Variants in CASR observed in about 807,000 individuals in gnomAD.
CASR encodes the protein extracellular calcium-sensing receptor.
CASR carries 23 observed loss-of-function variants against 69.1 expected under a neutral mutation model. The ratio of observed to expected loss-of-function variants is 0.33; its 90% confidence interval spans 0.24 to 0.47. The LOEUF (loss-of-function observed/expected upper bound fraction) is 0.47, where lower values mean the gene tolerates loss of function less well. Ranked by LOEUF, CASR falls within the 20% of genes least tolerant of loss-of-function variation. The pLI, the probability that CASR is intolerant of heterozygous loss-of-function variation, is 1.00. For missense variants in CASR, 924 were observed against 1,356.1 expected, an observed-to-expected ratio of 0.68 and a Z score of 5.00; for synonymous variants, 541 against 544.7, an observed-to-expected ratio of 0.99 and a Z score of 0.10.
rs768891713 is a variant in CASR, at chr3:122,261,793, A to T, written c.758A>T (p.Gln253Leu). Residue 253 changes from glutamine (Q) to leucine (L), a missense_variant, in exon 4 of 7, where the codon CAG becomes CTG. This residue lies in a region of CASR where 310 missense variants were observed against 395.7 expected (regional missense o/e 0.78). Transcript: ENST00000639785. ...ISQYSDEEEI[Q>L]HVVEVIQNST... The stretch of plus-strand genomic sequence containing the variant: ...CAGTACTCTGATGAGGAAGAGATCC[A>T]GCATGTGGTAGAGGTGATTCAAAAT... 2 of 1,614,274 alleles carry T rather than the reference A, an allele frequency of 1.2e-6. No homozygotes were observed. The highest frequency in any genetic ancestry group is 2.2e-5 in the South Asian group (2 of 91,092).
At position 122,230,861 on chromosome 3, in the gene CASR, C is replaced by T. The variant is rs1476354872; in HGVS notation, c.-242-23087C>T. On this transcript the variant is annotated intron_variant, in intron 1 of 6. Coordinates refer to ENST00000639785, the MANE Select transcript of CASR (RefSeq NM_000388.4). Reference sequence around the variant, plus strand: ...CTACTTCTCTGTCCCCTCCACTAGACTTCTTCAGCCAAAGGGGGTTTCTCT... The same window carrying T: ...CTACTTCTCTGTCCCCTCCACTAGATTTCTTCAGCCAAAGGGGGTTTCTCT... Among the ~76,000 whole-genome samples the T allele has an allele frequency of 2.0e-5, 3 of 152,086 alleles. No individual in the cohort carries two copies. The East Asian group carries it at 5.8e-4, about 29-fold the overall frequency.
chr3:122,267,427 A>G (rs890838209), intron 4 of CASR, among the ~76,000 whole-genome samples: 1 of 151,752 alleles, frequency 6.6e-6, no homozygotes, highest in Non-Finnish European at 1.5e-5. Flanking sequence ...TGAAGTAAGG[A>G]AAAAAAAATA....
At chr3:122,227,584 G>C (rs932809156) in intron 1 of CASR, among the ~76,000 whole-genome samples, 2 of 152,208 alleles carry the variant, frequency 1.3e-5, no homozygotes, top group South Asian at 2.1e-4. Context: ...CGAGCTGAGC[G>C]AACAGGCTCT....
intron 1 of CASR, among the ~76,000 whole-genome samples, chr3:122,232,053 C>G (rs529021048): frequency 1.4e-4 from 21 of 152,300 alleles, no homozygotes; most frequent in African/African-American, 5.1e-4. Flanking sequence ...CAGCTACTTG[C>G]AACACCTCAG....
At chr3:122,203,965 T>A (rs939400092) in intron 1 of CASR, among the ~76,000 whole-genome samples, 31 of 152,326 alleles carry the variant, frequency 2.0e-4, no homozygotes, top group Admixed American at 1.2e-3. Flanking sequence ...TCATTTTTTT[T>A]AATTGATGAA....
intron 2 of CASR, among the ~76,000 whole-genome samples, chr3:122,256,626 AT>A (rs935898578): frequency 6.6e-6 from 1 of 151,828 alleles, no homozygotes; most frequent in Non-Finnish European, 1.5e-5. Context: ...TTATTTATTC[AT>A]TTATTTTTGA....
chr3:122,247,393 T>C (rs58191316), intron 1 of CASR: 25,378 of 152,180 alleles, frequency 0.17, 2,193 homozygotes, highest in Non-Finnish European at 0.18. Flanking sequence ...AACGCCAGGA[T>C]GTTATTCCAC....
chr3:122,234,324 C>G (rs2074307845), intron 1 of CASR, among the ~76,000 whole-genome samples: 1 of 152,176 alleles, frequency 6.6e-6, no homozygotes, highest in African/African-American at 2.4e-5. Context: ...TTCAGCAAAA[C>G]TTTATTTATA....
intron 1 of CASR, among the ~76,000 whole-genome samples, chr3:122,205,174 T>G (rs2073994810): frequency 1.3e-5 from 2 of 152,142 alleles, no homozygotes; most frequent in Admixed American, 1.3e-4. Context: ...CCCGAAGCAT[T>G]TCCTGAGTGC....
intron 1 of CASR, among the ~76,000 whole-genome samples, chr3:122,251,466 C>T (rs1248797261): frequency 6.6e-6 from 1 of 152,184 alleles, no homozygotes; most frequent in African/African-American, 2.4e-5. Context: ...TGACTCAAAG[C>T]CGTGTGCTCC....
chr3:122,270,567 G>A (rs2074746898), intron 4 of CASR, among the ~76,000 whole-genome samples: 1 of 151,816 alleles, frequency 6.6e-6, no homozygotes, highest in African/African-American at 2.4e-5. Flanking sequence ...TCTTCTTTTT[G>A]TAGTTACTTA....
At chr3:122,206,704 C>G (rs1350372051) in intron 1 of CASR, among the ~76,000 whole-genome samples, 1 of 151,912 alleles carries the variant, frequency 6.6e-6, no homozygotes, top group African/African-American at 2.4e-5. Flanking sequence ...GCATCAGGTC[C>G]TGGGCTTTTC....
intron 1 of CASR, among the ~76,000 whole-genome samples, chr3:122,193,318 G>A (rs751098618): frequency 6.6e-6 from 1 of 151,962 alleles, no homozygotes; most frequent in Non-Finnish European, 1.5e-5. Flanking sequence ...CTGGGTTCAA[G>A]CAATTCTCCT....
At chr3:122,268,761 C>G (rs2074722257) in intron 4 of CASR, among the ~76,000 whole-genome samples, 1 of 152,108 alleles carries the variant, frequency 6.6e-6, no homozygotes, top group South Asian at 2.1e-4. Context: ...AAAAATAACT[C>G]CTGAGAGGAC....
intron 1 of CASR, among the ~76,000 whole-genome samples, chr3:122,220,063 G>A (rs1344982862): frequency 3.9e-5 from 6 of 152,236 alleles, no homozygotes; most frequent in East Asian, 1.9e-4. Flanking sequence ...TGCGATGAGC[G>A]TGTGTGGCAG....
intron 3 of CASR, among the ~76,000 whole-genome samples, chr3:122,258,006 T>C (rs1198841613): frequency 1.3e-5 from 2 of 152,242 alleles, no homozygotes; most frequent in Non-Finnish European, 2.9e-5. Context: ...TTACTAACAG[T>C]TTATTGAAGC....
At chr3:122,199,277 TG>T (rs951748800) in intron 1 of CASR, among the ~76,000 whole-genome samples, 17 of 152,256 alleles carry the variant, frequency 1.1e-4, no homozygotes, top group African/African-American at 4.1e-4. Flanking sequence ...TTCTTCCTCT[TG>T]GCTCGCTTTG....
At position 122,244,964 on chromosome 3, in the gene CASR, A is replaced by AT. The variant is rs542339449; in HGVS notation, c.-242-8982dup. On this transcript the variant is annotated intron_variant, in intron 1 of 6. Coordinates refer to ENST00000639785, the MANE Select transcript of CASR (RefSeq NM_000388.4). ...AACGTTTATGTCCCTTCATATAGCC[A>AT]TTGTTTTAATAACATTCTACCACAT... is the stretch of plus-strand genomic sequence containing the variant. Among the ~76,000 whole-genome samples, 1,280 of 152,242 alleles carry AT rather than the reference A, an allele frequency of 8.4e-3. 8 individuals carry two copies. The highest frequency in any genetic ancestry group is 0.017 in the Middle Eastern group (5 of 294).
At chr3:122,254,754 A>G (rs2074537371) in intron 2 of CASR, among the ~76,000 whole-genome samples, 1 of 152,194 alleles carries the variant, frequency 6.6e-6, no homozygotes, top group Non-Finnish European at 1.5e-5. Flanking sequence ...TACATGCTCC[A>G]ATGGATAGTA....
Sources: gnomAD v4.1 joint callset for allele counts (sites outside exome capture counted in the v4.1 genomes callset) on GRCh38, gnomAD v4.1.1 for gene constraint, gnomAD v4.1.1 regional missense constraint, MANE v1.5 for transcripts, NCBI Gene and HGNC (gene_info 2026-07-23, HGNC 2026-07-21) for gene names.